Variants in AFF2 observed in about 807,000 individuals in gnomAD.
AFF2 encodes the protein ALF transcription elongation factor 2, also known as AF4/FMR2 family member 2.
In AFF2, 14 loss-of-function variants were observed where a neutral mutation model predicts 76.9. The observed-to-expected ratio is 0.18, with a 90% CI of 0.12 to 0.28. AFF2 has a LOEUF of 0.28. Among genes scored for constraint, AFF2 ranks in the 10% least tolerant of loss-of-function variants. The probability of loss-of-function intolerance (pLI) is 1.00; values close to 1 mark genes in which losing one functional copy is unlikely to be tolerated. For missense variants in AFF2, 868 were observed against 1,001.1 expected, an observed-to-expected ratio of 0.87 and a Z score of 1.79; for synonymous variants, 398 against 366.7, an observed-to-expected ratio of 1.09 and a Z score of -0.98.
chrX:148,783,827 CAG>C (rs1468703255), intron 3 of AFF2, among the ~76,000 whole-genome samples: 1 of 111,660 alleles, frequency 9.0e-6, no homozygotes, highest in Non-Finnish European at 1.9e-5. Flanking sequence ...ACAGATTTGA[CAG>C]AGACAGAACA....
At position 148,955,614 on chromosome X, in the gene AFF2, C is replaced by T; in HGVS notation, c.1569C>T (p.Pro523=). Residue 523 remains proline (P), a synonymous_variant, in exon 11 of 21, where the codon CCC becomes CCT. Coordinates refer to ENST00000370460, the MANE Select transcript of AFF2 (RefSeq NM_002025.4). ...TTCTCAATCTGCAGCCTGAGCCACC[C>T]TCAACCAACAAGTGGCAACTGGATA... ...PRVATPEPEP[P]STNKWQLDKW... is the part of the protein sequence containing the mutation. 8.3e-7 allele frequency: 1 copy of T among 1,203,307 alleles called. No individual in the cohort carries two copies. Among genetic ancestry groups the T allele is most frequent in the Non-Finnish European group, 1.1e-6 (1 of 891,949 alleles).
At chrX:148,906,652 T>G (rs2071410468) in intron 9 of AFF2, among the ~76,000 whole-genome samples, 1 of 111,928 alleles carries the variant, frequency 8.9e-6, no homozygotes, top group Non-Finnish European at 1.9e-5. Context: ...CCAGATCAGG[T>G]AACCCTCTTT....
At chrX:148,804,604 C>G (rs2070102964) in intron 3 of AFF2, among the ~76,000 whole-genome samples, 1 of 112,603 alleles carries the variant, frequency 8.9e-6, no homozygotes, top group African/African-American at 3.2e-5. Flanking sequence ...TACTTAAAAA[C>G]TGGCCAGAAG....
intron 7 of AFF2, among the ~76,000 whole-genome samples, chrX:148,885,177 G>C (rs2071142798): frequency 8.9e-6 from 1 of 111,868 alleles, no homozygotes; most frequent in African/African-American, 3.3e-5. Flanking sequence ...AAAAGGCTTT[G>C]TGGCTCCATA....
intron 1 of AFF2, among the ~76,000 whole-genome samples, chrX:148,604,645 T>C (rs1303736934): frequency 2.7e-5 from 3 of 112,488 alleles, no homozygotes; most frequent in African/African-American, 9.7e-5. Context: ...TGAGATGCAT[T>C]TAAAGCAAAG....
chrX:148,570,860 TC>T (rs2053221810), intron 1 of AFF2, among the ~76,000 whole-genome samples: 1 of 110,646 alleles, frequency 9.0e-6, no homozygotes, highest in Admixed American at 9.7e-5. Context: ...GCCATCTTCT[TC>T]CTGTGTCTTC....
intron 1 of AFF2, among the ~76,000 whole-genome samples, chrX:148,568,225 G>A (rs1203422995): frequency 6.3e-5 from 7 of 111,634 alleles, no homozygotes; most frequent in African/African-American, 2.3e-4. Context: ...TTACCACTGA[G>A]CAATAAATAC....
intron 6 of AFF2, 44 bp from the exon 7 acceptor site, chrX:148,843,338 C>T: frequency 9.3e-7 from 1 of 1,070,271 alleles, no homozygotes. Context: ...AATCATTTGA[C>T]AGTAGGAACA....
At chrX:148,977,284 A>G (rs918136606) in intron 16 of AFF2, among the ~76,000 whole-genome samples, 9 of 111,302 alleles carry the variant, frequency 8.1e-5, no homozygotes, top group African/African-American at 2.9e-4. Context: ...AGTGCAGAAC[A>G]GTAACAATTA....
chrX:148,950,539 C>T (rs1557286500), intron 9 of AFF2, among the ~76,000 whole-genome samples: 1 of 111,859 alleles, frequency 8.9e-6, no homozygotes, highest in East Asian at 2.8e-4. Context: ...TAAAGTCCAC[C>T]CTCCTTCTTA....
chrX:148,611,008 T>G lies in AFF2; in HGVS notation c.48-40991T>G, dbSNP rs1164554116. Among the ~76,000 whole-genome samples the G allele has an allele frequency of 6.2e-5, 7 of 112,144 alleles. No homozygotes were observed. In the East Asian group the frequency reaches 2.0e-3, roughly 32 times the overall value. On this transcript the variant is annotated intron_variant, in intron 1 of 20. Coordinates refer to ENST00000370460, the MANE Select transcript of AFF2 (RefSeq NM_002025.4). ...AGTAACTTATTAAAATAATGCTTTA[T>G]AATTATTTTACTTAGCCCAATGTTT...
At chrX:148,857,481 C>A (rs2070799533) in intron 7 of AFF2, among the ~76,000 whole-genome samples, 1 of 111,554 alleles carries the variant, frequency 9.0e-6, no homozygotes, top group Admixed American at 9.5e-5. Context: ...ATTCTGAATG[C>A]AACATAAATT....
At chrX:148,587,131 T>G (rs1226379952) in intron 1 of AFF2, among the ~76,000 whole-genome samples, 1 of 111,808 alleles carries the variant, frequency 8.9e-6, no homozygotes, top group Non-Finnish European at 1.9e-5. Context: ...TATACACTAC[T>G]CCATTACTCT....
intron 3 of AFF2, among the ~76,000 whole-genome samples, chrX:148,731,391 C>A (rs1228483883): frequency 2.9e-4 from 33 of 111,978 alleles, no homozygotes; most frequent in Non-Finnish European, 5.4e-4. Context: ...TTTTTATACT[C>A]CATCCCCAAG....
chrX:148,765,456 G>T (rs1569555135), intron 3 of AFF2, among the ~76,000 whole-genome samples: 1 of 111,412 alleles, frequency 9.0e-6, no homozygotes, highest in East Asian at 2.9e-4. Flanking sequence ...AGGAGAAGTG[G>T]ACCCAGACCA....
intron 1 of AFF2, among the ~76,000 whole-genome samples, chrX:148,544,583 AT>A (rs2052898777): frequency 8.9e-6 from 1 of 112,364 alleles, no homozygotes; most frequent in Non-Finnish European, 1.9e-5. Context: ...CTACATGTTG[AT>A]TGTTAATGAG....
At chrX:148,807,109 C>T (rs1330859191) in intron 3 of AFF2, among the ~76,000 whole-genome samples, 4 of 111,907 alleles carry the variant, frequency 3.6e-5, no homozygotes, top group African/African-American at 1.3e-4. Context: ...TGAGTGCTGC[C>T]GACTCCAATA....
chrX:148,795,619 G>A (rs968060357), intron 3 of AFF2, among the ~76,000 whole-genome samples: 7 of 101,801 alleles, frequency 6.9e-5, no homozygotes, highest in African/African-American at 2.5e-4. Flanking sequence ...TGGCTAACAC[G>A]GTGAAACCCT....
At chrX:148,765,510 G>T (rs904767467) in intron 3 of AFF2, among the ~76,000 whole-genome samples, 5 of 111,125 alleles carry the variant, frequency 4.5e-5, no homozygotes, top group African/African-American at 1.6e-4. Context: ...CTTGATTTTG[G>T]ATAAAGAGTT....
Sources: allele counts gnomAD v4.1 joint callset (sites outside exome capture counted in the v4.1 genomes callset), GRCh38; gene constraint gnomAD v4.1.1; transcripts MANE v1.5; gene names NCBI Gene and HGNC (gene_info 2026-07-23, HGNC 2026-07-21).